TMEM260: variants seen among roughly 807,000 people sequenced by gnomAD.
TMEM260 encodes the protein protein O-mannosyl-transferase TMEM260.
In TMEM260, 82 loss-of-function variants were observed where a neutral mutation model predicts 88.9. The ratio of observed to expected loss-of-function variants is 0.92; its 90% CI spans 0.77 to 1.11. The LOEUF is 1.11. Among genes scored for constraint, TMEM260 ranks in the 50% least tolerant of loss-of-function variants. TMEM260 has a pLI of 0.00. For synonymous variants in TMEM260, 314 were observed against 309.3 expected (o/e 1.02, Z -0.16); for missense variants, 902 against 853.4 (o/e 1.06, Z -0.71).
chr14:56,639,242 A>C (rs1043992930), intron 15 of TMEM260, among the ~76,000 whole-genome samples: 1 of 138,722 alleles, frequency 7.2e-6, no homozygotes, highest in Non-Finnish European at 1.5e-5. Flanking sequence ...CAACAGGGTA[A>C]CTACAGCCAA....
rs570806546 is a variant in TMEM260 at position 56,605,794 on chromosome 14, G to T, written c.636+111G>T. 1.1e-4 allele frequency: 71 copies of T among 645,338 alleles called. 2 individuals carry two copies. The South Asian group carries it at 1.5e-3, about 14-fold the overall frequency. 40.0% of individuals were successfully genotyped at this position (645,338 alleles called of 1,614,324 possible). A position where few individuals can be genotyped will look rare whatever the true frequency, so the allele number is the denominator to read the frequency against. On this transcript the variant is annotated intron_variant, in intron 5 of 15. Transcript: ENST00000261556. ...TAATTTTTCTTGGGTTTCATGTAAA[G>T]CATAAATAACCCTAGGGCCTAACAA...
At chr14:56,582,416 T>C (rs1161017521) in intron 1 of TMEM260, among the ~76,000 whole-genome samples, 5 of 152,210 alleles carry the variant, frequency 3.3e-5, no homozygotes, top group Non-Finnish European at 7.3e-5. Flanking sequence ...ATTTCAAAGA[T>C]ACTGTCTTTA....
chr14:56,579,962 C>T lies in TMEM260; in HGVS notation c.48C>T (p.Val16=). ...GGGGCCAGGCCCAGGGGCGGGCAGT[C>T]CGAGTGGGGCTGCGGCGCTCCGGGG... ...DGRGQAQGRA[V]RVGLRRSGGI... Residue 16 remains valine (V), a synonymous_variant, in exon 1 of 16, where the codon GTC becomes GTT. Transcript: ENST00000261556. The T allele has an allele frequency of 2.4e-6, 3 of 1,241,046 alleles. No individual in the cohort carries two copies. The highest frequency in any genetic ancestry group is 3.0e-6 in the Non-Finnish European group (3 of 988,710). 76.9% of individuals were successfully genotyped at this position (1,241,046 alleles called of 1,614,324 possible).
At chr14:56,618,165 A>C (rs1383775619) in intron 9 of TMEM260, among the ~76,000 whole-genome samples, 1 of 152,196 alleles carries the variant, frequency 6.6e-6, no homozygotes, top group African/African-American at 2.4e-5. Context: ...CTGCAGGCCC[A>C]GTCCCAGCTC....
chr14:56,647,397 C>G lies in TMEM260; in HGVS notation c.2024C>G (p.Ser675Cys). The change falls in exon 16 of 16, where the codon TCT (serine) becomes TGT (cysteine). Residue 675 changes from serine to cysteine, a missense_variant. Physicochemically the swap from Ser to Cys is moderately radical, Grantham distance 112. Coordinates refer to ENST00000261556, the MANE Select transcript of TMEM260 (RefSeq NM_017799.4). ...ACCATCAGACATTTCCGTCTGTACT[C>G]TCAGAAAGCACCGAATGACCCACAG... ...SETIRHFRLY[S>C]QKAPNDPQQA... 6.2e-7 allele frequency: 1 copy of G among 1,614,200 alleles called. No homozygotes were observed. The highest frequency in any genetic ancestry group is 1.3e-5 in the African/African-American group (1 of 75,052).
chr14:56,655,758 T>G, the TMEM260 span, among the ~76,000 whole-genome samples: 1 of 152,204 alleles, frequency 6.6e-6, no homozygotes, highest in South Asian at 2.1e-4. Context: ...CTGCTTATAA[T>G]TTGGATACAA....
chr14:56,609,412 G>A (rs1887112707), intron 6 of TMEM260, 127 bp downstream of exon 6: 1 of 877,272 alleles, frequency 1.1e-6, no homozygotes. Flanking sequence ...GGTTATTTAT[G>A]TAACAAACTT....
chr14:56,605,271 T>C (rs1190781241), intron 4 of TMEM260, among the ~76,000 whole-genome samples: 1 of 152,230 alleles, frequency 6.6e-6, no homozygotes. Flanking sequence ...TGAATAAGCA[T>C]TACACAATAC....
upstream of TMEM260, chr14:56,579,654 A>T (rs776801672): frequency 1.8e-4 from 69 of 382,342 alleles, no homozygotes; most frequent in Middle Eastern, 1.3e-3. Context: ...GGTGATTAGG[A>T]ACCTTAAATC....
intron 3 of TMEM260, among the ~76,000 whole-genome samples, chr14:56,601,890 T>G (rs1439331002): frequency 6.6e-6 from 1 of 152,144 alleles, no homozygotes; most frequent in Non-Finnish European, 1.5e-5. Flanking sequence ...TGGCACAAGA[T>G]GTTTCAGACT....
chr14:56,580,414 T>C (rs1309382141), intron 1 of TMEM260, among the ~76,000 whole-genome samples: 7 of 152,264 alleles, frequency 4.6e-5, no homozygotes, highest in Non-Finnish European at 1.0e-4. Context: ...GGTGTCCTTA[T>C]TATGTTTCAA....
chr14:56,661,219 G>A, the TMEM260 span, among the ~76,000 whole-genome samples: 1,064 of 152,258 alleles, frequency 7.0e-3, 10 homozygotes, highest in South Asian at 0.025. Context: ...CCTGGTGGTC[G>A]CCACCCCTCC....
At chr14:56,631,961 C>T (rs117188122) in intron 12 of TMEM260, among the ~76,000 whole-genome samples, 2,193 of 152,238 alleles carry the variant, frequency 0.014, 49 homozygotes, top group East Asian at 0.11. Context: ...TGGGGCAGGA[C>T]GGCAGAGAGC....
chr14:56,641,002 A>G (rs777195192), intron 15 of TMEM260, among the ~76,000 whole-genome samples: 5 of 152,164 alleles, frequency 3.3e-5, no homozygotes, highest in Non-Finnish European at 5.9e-5. Context: ...TGAAAACAAG[A>G]AATATGGGAC....
At position 56,585,875 on chromosome 14, in the gene TMEM260, G is replaced by A. The variant is rs1885467023; in HGVS notation, c.307G>A (p.Ala103Thr). 1 of 1,613,146 alleles carries A rather than the reference G, an allele frequency of 6.2e-7. No individual in the cohort carries two copies. Among genetic ancestry groups the A allele is most frequent in the Non-Finnish European group, 8.5e-7 (1 of 1,179,586 alleles). The change falls in exon 3 of 16, where the codon GCA becomes ACA. Residue 103 changes from alanine (A) to threonine (T), a missense_variant. Physicochemically the swap from Ala to Thr is moderately conservative, Grantham distance 58 (BLOSUM62 0). Coordinates refer to ENST00000261556, the MANE Select transcript of TMEM260 (RefSeq NM_017799.4). Reference sequence around the variant, plus strand: ...CAATCTTCTCTGTGGCTTATTTGGAGCAGTAGCTGCATCATTACTTTTTTT... The same window carrying A: ...CAATCTTCTCTGTGGCTTATTTGGAACAGTAGCTGCATCATTACTTTTTTT... ...RVNLLCGLFGAVAASLLFFTV... is the reference protein window; with the variant it reads ...RVNLLCGLFGTVAASLLFFTV...
At chr14:56,641,026 A>G (rs894200408) in intron 15 of TMEM260, among the ~76,000 whole-genome samples, 6 of 152,174 alleles carry the variant, frequency 3.9e-5, no homozygotes, top group African/African-American at 1.4e-4. Context: ...GAAAAGACCA[A>G]ATCTATGTCT....
upstream of TMEM260, chr14:56,579,634 A>C: frequency 2.8e-6 from 1 of 351,460 alleles, no homozygotes; most frequent in Admixed American, 4.7e-5. Context: ...TTTAAAGGGA[A>C]TGCTCTCCTG....
At position 56,647,521 on chromosome 14, in the gene TMEM260, C is replaced by T; in HGVS notation, c.*24C>T. On this transcript the variant is annotated 3_prime_UTR_variant, in exon 16 of 16. Coordinates refer to ENST00000261556, the MANE Select transcript of TMEM260 (RefSeq NM_017799.4). ...GAGACAGCAAAATATGAAAAACCTGCTCATCGTTCAGCTTCCAAAATTCTG... is the reference window on the plus strand; with the variant it reads ...GAGACAGCAAAATATGAAAAACCTGTTCATCGTTCAGCTTCCAAAATTCTG... 1.3e-6 allele frequency: 2 copies of T among 1,559,572 alleles called. No individual in the cohort carries two copies. The highest frequency in any genetic ancestry group is 1.7e-6 in the Non-Finnish European group (2 of 1,158,226).
At chr14:56,617,777 CA>C (rs1407534798) in intron 9 of TMEM260, among the ~76,000 whole-genome samples, 4 of 152,248 alleles carry the variant, frequency 2.6e-5, no homozygotes, top group Admixed American at 1.3e-4. Flanking sequence ...ATGTCAATAG[CA>C]CTTTTTTGAC....
Sources: allele counts gnomAD v4.1 joint callset (sites outside exome capture counted in the v4.1 genomes callset), GRCh38; gene constraint gnomAD v4.1.1; transcripts MANE v1.5; gene names NCBI Gene and HGNC (gene_info 2026-07-23, HGNC 2026-07-21).